FOXP2: variants seen among roughly 807,000 people sequenced by gnomAD.
FOXP2 encodes the protein forkhead box protein P2.
Under a neutral mutation model 115.8 loss-of-function variants are expected in FOXP2, and 12 were observed. The observed-to-expected ratio is 0.10, with a 90% CI of 0.07 to 0.17. The LOEUF (loss-of-function observed/expected upper bound fraction) is 0.17, where lower values mean the gene tolerates loss of function less well. Among genes scored for constraint, FOXP2 ranks in the 10% least tolerant of loss-of-function variants. The probability of loss-of-function intolerance (pLI) is 1.00; values close to 1 mark genes in which losing one functional copy is unlikely to be tolerated. For missense variants in FOXP2, 629 were observed against 843.5 expected (o/e 0.75, Z 3.15); for synonymous variants, 328 against 297.7 (o/e 1.10, Z -1.05).
Position 114,123,544 on chromosome 7 carries a change from G to A in FOXP2, c.-247+35706G>A, listed in dbSNP as rs532211425. ...ATAAATTTAGCACTTATTTAACATAGCATATTTTAATTAGAAATCTTTTAT... is the reference window on the plus strand; with the variant it reads ...ATAAATTTAGCACTTATTTAACATAACATATTTTAATTAGAAATCTTTTAT... On this transcript the variant is annotated intron_variant, in intron 1 of 19. Transcript: ENST00000635638. 9.8e-4 allele frequency among the ~76,000 whole-genome samples: 149 copies of A among 152,014 alleles called. 4 individuals are homozygous for A. Among genetic ancestry groups the A allele is most frequent in the South Asian group, 4.4e-3 (21 of 4,808 alleles).
intron 2 of FOXP2, among the ~76,000 whole-genome samples, chr7:114,453,005 T>TA (rs1309556774): frequency 2.0e-5 from 3 of 152,114 alleles, no homozygotes; most frequent in African/African-American, 7.2e-5. Context: ...GTCTATTTGT[T>TA]AAAAATAAAT....
In FOXP2 at chr7:114,664,310, A is replaced by C. The variant is rs1807044578; in HGVS notation, c.1877A>C (p.Asn626Thr). ...LAESSLPLLSNPGLINNASSG... is the reference protein window; with the variant it reads ...LAESSLPLLSTPGLINNASSG... ...GAGAGCAGTTTACCTTTGCTAAGTA[A>C]TCCTGGACTGATAAATAATGCATCC... Residue 626 changes from asparagine (N) to threonine (T), a missense_variant, in exon 16 of 17, where the codon AAT becomes ACT. Transcript: ENST00000350908. 3 of 1,613,438 alleles carry C rather than the reference A, an allele frequency of 1.9e-6. No homozygotes were observed. In the South Asian group the frequency reaches 3.3e-5, roughly 18 times the overall value.
intron 2 of FOXP2, among the ~76,000 whole-genome samples, chr7:114,292,004 A>ATATAATATATATAT (rs1796616015): frequency 6.8e-6 from 1 of 146,490 alleles, no homozygotes; most frequent in Admixed American, 7.0e-5. Context: ...TATAGATAAT[A>ATATAATATATATAT]TATAGATATA....
intron 2 of FOXP2, among the ~76,000 whole-genome samples, chr7:114,399,215 C>A (rs1425624309): frequency 1.3e-5 from 2 of 150,760 alleles, no homozygotes; most frequent in Non-Finnish European, 1.5e-5. Context: ...TCAAGTGATT[C>A]TCCTGACTCA....
intron 2 of FOXP2, among the ~76,000 whole-genome samples, chr7:114,462,172 T>C (rs942478883): frequency 6.9e-6 from 1 of 145,380 alleles, no homozygotes; most frequent in Non-Finnish European, 1.5e-5. Flanking sequence ...TCCCAGCTAC[T>C]CGGGAGGCTG....
At chr7:114,642,357 A>G in intron 6 of FOXP2, 53 bp from the exon 7 acceptor site, 1 of 1,430,176 alleles carries the variant, frequency 7.0e-7, no homozygotes, top group Non-Finnish European at 9.8e-7. Context: ...AGCTCATTAT[A>G]TAAACTTTAC....
upstream of FOXP2, among the ~76,000 whole-genome samples, chr7:114,414,019 T>G (rs116999788): frequency 5.8e-3 from 881 of 152,240 alleles, 5 homozygotes; most frequent in Non-Finnish European, 9.4e-3. Flanking sequence ...GTTCCTGTCT[T>G]GGGTGTAACT....
At chr7:114,378,322 A>T (rs1026843026) in intron 2 of FOXP2, among the ~76,000 whole-genome samples, 1 of 152,042 alleles carries the variant, frequency 6.6e-6, no homozygotes, top group African/African-American at 2.4e-5. Context: ...ATTCAGCCTC[A>T]TCTCTGCCCT....
intron 2 of FOXP2, among the ~76,000 whole-genome samples, chr7:114,467,618 G>A (rs1218590249): frequency 1.3e-5 from 2 of 152,060 alleles, no homozygotes; most frequent in Non-Finnish European, 2.9e-5. Flanking sequence ...TTGTTTACTT[G>A]CTCTGTCTGT....
chr7:114,153,548 A>G (rs1478240690), intron 1 of FOXP2, among the ~76,000 whole-genome samples: 1 of 152,150 alleles, frequency 6.6e-6, no homozygotes, highest in Admixed American at 6.6e-5. Flanking sequence ...ATTTTCTAGC[A>G]TTGGGGGGAA....
intron 16 of FOXP2, among the ~76,000 whole-genome samples, chr7:114,671,171 A>G (rs748418699): frequency 2.6e-4 from 39 of 152,026 alleles, no homozygotes; most frequent in Non-Finnish European, 5.3e-4. Flanking sequence ...GGAACTTATG[A>G]TTATGCCAGC....
At chr7:114,378,684 C>CAAAAAAAAA (rs398005920) in intron 2 of FOXP2, among the ~76,000 whole-genome samples, 22 of 18,092 alleles carry the variant, frequency 1.2e-3, no homozygotes, top group Admixed American at 5.5e-3. Context: ...ACCCTGTCTC[C>CAAAAAAAAA]AAAAAAAAAA....
intron 1 of FOXP2, among the ~76,000 whole-genome samples, chr7:114,246,963 A>G (rs1795300315): frequency 6.6e-6 from 1 of 152,148 alleles, no homozygotes; most frequent in African/African-American, 2.4e-5. Context: ...TCAGGACTAT[A>G]TTTTAATATT....
At chr7:114,244,928 A>AT (rs1283387212) in intron 1 of FOXP2, among the ~76,000 whole-genome samples, 1 of 151,588 alleles carries the variant, frequency 6.6e-6, no homozygotes, top group Non-Finnish European at 1.5e-5. Context: ...CGCCCGGCTA[A>AT]TTTTTTTGTA....
At chr7:114,521,904 A>G (rs1584846646) in intron 2 of FOXP2, among the ~76,000 whole-genome samples, 3 of 152,150 alleles carry the variant, frequency 2.0e-5, no homozygotes, top group African/African-American at 7.2e-5. Context: ...TTCTTTACTT[A>G]GTGTACCATT....
chr7:114,623,716 C>T (rs1359868106), intron 3 of FOXP2, among the ~76,000 whole-genome samples: 1 of 151,896 alleles, frequency 6.6e-6, no homozygotes, highest in African/African-American at 2.4e-5. Flanking sequence ...CTTCCCAAAA[C>T]AGGAAACACT....
chr7:114,455,062 C>CT (rs1019732241), intron 2 of FOXP2, among the ~76,000 whole-genome samples: 2 of 151,918 alleles, frequency 1.3e-5, no homozygotes, highest in African/African-American at 4.8e-5. Context: ...CCTAATCCTA[C>CT]TTTTTTGCCA....
chr7:114,351,461 T>C (rs11772999), intron 2 of FOXP2, among the ~76,000 whole-genome samples: 4 of 152,110 alleles, frequency 2.6e-5, no homozygotes, highest in Admixed American at 6.6e-5. Flanking sequence ...ATTGGTGCTT[T>C]ATAATCCAAA....
chr7:114,238,269 C>CT (rs34893739), intron 1 of FOXP2, among the ~76,000 whole-genome samples: 10 of 150,050 alleles, frequency 6.7e-5, no homozygotes, highest in African/African-American at 1.7e-4. Flanking sequence ...GATTTTAACA[C>CT]TTTTTTTTTT....
Sources: allele counts gnomAD v4.1 joint callset (sites outside exome capture counted in the v4.1 genomes callset), GRCh38; gene constraint gnomAD v4.1.1; transcripts MANE v1.5; gene names NCBI Gene and HGNC (gene_info 2026-07-23, HGNC 2026-07-21).